Variants in RCL1 observed in about 807,000 individuals in gnomAD.
RCL1 encodes the protein RNA 3'-terminal phosphate cyclase-like protein.
A neutral mutation model predicts 42.4 loss-of-function variants in RCL1; 24 were observed. That is an observed-to-expected ratio of 0.57 (90% CI 0.41 to 0.80). The LOEUF is 0.80. RCL1 is among the 30% of genes least tolerant of loss of function. The probability of loss-of-function intolerance (pLI) is 0.00; values close to 1 mark genes in which losing one functional copy is unlikely to be tolerated. For synonymous variants in RCL1, 228 were observed against 177.3 expected (o/e 1.29, Z -2.27); for missense variants, 578 against 467.9 (o/e 1.24, Z -2.17).
chr9:4,814,928 A>G (rs150233846), intron 1 of RCL1, among the ~76,000 whole-genome samples: 1,668 of 151,732 alleles, frequency 0.011, 28 homozygotes, highest in African/African-American at 0.039. Flanking sequence ...CATTTTGAAT[A>G]TATCATCTTA....
chr9:4,809,422 G>C (rs1169460500), intron 1 of RCL1, among the ~76,000 whole-genome samples: 1 of 151,796 alleles, frequency 6.6e-6, no homozygotes, highest in Non-Finnish European at 1.5e-5. Context: ...CGATTCCCCT[G>C]CCTCAGCCTC....
At chr9:4,807,833 A>T (rs1816035979) in intron 1 of RCL1, among the ~76,000 whole-genome samples, 1 of 152,140 alleles carries the variant, frequency 6.6e-6, no homozygotes, top group Admixed American at 6.5e-5. Context: ...TGGGTCATTT[A>T]TAAGTCTGTT....
At chr9:4,851,965 C>T (rs1490013241) in intron 8 of RCL1, among the ~76,000 whole-genome samples, 1 of 149,414 alleles carries the variant, frequency 6.7e-6, no homozygotes, top group Non-Finnish European at 1.5e-5. Context: ...ACTGCAAGCT[C>T]CGCCTCCCGG....
chr9:4,853,241 C>T (rs1187492800), intron 8 of RCL1, among the ~76,000 whole-genome samples: 5 of 151,868 alleles, frequency 3.3e-5, no homozygotes, highest in Non-Finnish European at 5.9e-5. Context: ...GGTCAAGTTA[C>T]GTGCCCAGGG....
chr9:4,828,586 G>C (rs1816846706), intron 3 of RCL1, among the ~76,000 whole-genome samples: 1 of 148,006 alleles, frequency 6.8e-6, no homozygotes, highest in African/African-American at 2.5e-5. Context: ...TATAGGAAAT[G>C]AGTTCTTTGG....
chr9:4,793,344 G>C (rs10974786), intron 1 of RCL1, 117 bp downstream of exon 1: 3 of 1,223,966 alleles, frequency 2.5e-6, no homozygotes, highest in African/African-American at 3.2e-5. Context: ...GAGCGCGTCG[G>C]GGAGGGCAGG....
At chr9:4,796,945 C>A (rs1454170400) in intron 1 of RCL1, among the ~76,000 whole-genome samples, 3 of 152,122 alleles carry the variant, frequency 2.0e-5, no homozygotes, top group Non-Finnish European at 4.4e-5. Context: ...TTTGAGAAAT[C>A]TCCATATGAA....
At chr9:4,850,488 T>C (rs898250212) in intron 8 of RCL1, 4 of 183,032 alleles carry the variant, frequency 2.2e-5, no homozygotes, top group African/African-American at 1.1e-4. Flanking sequence ...GAGGCTTTTT[T>C]TTTTCTTTTT....
intron 1 of RCL1, among the ~76,000 whole-genome samples, chr9:4,806,668 C>T (rs1303370242): frequency 6.7e-6 from 1 of 149,578 alleles, no homozygotes; most frequent in Non-Finnish European, 1.5e-5. Context: ...ATTTTATTTG[C>T]TAATGTTTTG....
chr9:4,850,545 A>G (rs1387407597), intron 8 of RCL1, among the ~76,000 whole-genome samples: 1 of 141,930 alleles, frequency 7.0e-6, no homozygotes, highest in Non-Finnish European at 1.5e-5. Flanking sequence ...TAGAACAGGA[A>G]AATGGAAGAG....
At chr9:4,860,020 C>T (rs1489348848) in intron 8 of RCL1, 105 bp from the exon 9 acceptor site, 1 of 707,864 alleles carries the variant, frequency 1.4e-6, no homozygotes, top group Non-Finnish European at 2.2e-6. Flanking sequence ...TTAACTTCAG[C>T]CCTCTAGGTC....
At chr9:4,835,318 A>G (rs1817085973) in intron 5 of RCL1, among the ~76,000 whole-genome samples, 1 of 152,218 alleles carries the variant, frequency 6.6e-6, no homozygotes, top group Non-Finnish European at 1.5e-5. Flanking sequence ...TAAACAAAAC[A>G]TAGCTTCCTG....
At position 4,817,110 on chromosome 9, in the gene RCL1, C is replaced by A. The variant is rs920968783; in HGVS notation, c.137-6438C>A. ...GGGATTACAGGCGTGAGCCACTGTT[C>A]CCGGCCAATAATTATTTTTTTCTTT... On this transcript the variant is annotated intron_variant, in intron 1 of 8. Coordinates refer to ENST00000381750, the MANE Select transcript of RCL1 (RefSeq NM_005772.5). Among the ~76,000 whole-genome samples the A allele has an allele frequency of 2.1e-5, 3 of 146,334 alleles. No homozygotes were observed. In the East Asian group the frequency reaches 6.1e-4, roughly 30 times the overall value.
chr9:4,834,471 C>CTTTTTTTTTTT (rs5896097), intron 5 of RCL1, among the ~76,000 whole-genome samples: 2 of 128,432 alleles, frequency 1.6e-5, no homozygotes. Context: ...TTGAGTCATT[C>CTTTTTTTTTTT]TTTTTTTTTT....
In RCL1 at chr9:4,816,336, C is replaced by T. The variant is rs894703677; in HGVS notation, c.137-7212C>T. Reference sequence around the variant, plus strand: ...AAACAATACTTCATAGTTTTAATATCCAATTTATAAATCTTGCCTATCCTT... The same window carrying T: ...AAACAATACTTCATAGTTTTAATATTCAATTTATAAATCTTGCCTATCCTT... On this transcript the variant is annotated intron_variant, in intron 1 of 8. Transcript: ENST00000381750. Among the ~76,000 whole-genome samples, 16 of 152,288 alleles carry T rather than the reference C, an allele frequency of 1.1e-4. No homozygotes were observed. The Middle Eastern group carries it at 0.01, about 97-fold the overall frequency.
chr9:4,796,527 C>G (rs924711519), intron 1 of RCL1, among the ~76,000 whole-genome samples: 7 of 152,138 alleles, frequency 4.6e-5, no homozygotes, highest in Admixed American at 2.6e-4. Flanking sequence ...TCCTGAGTAG[C>G]TGGAACTACA....
At chr9:4,797,004 A>G (rs779335341) in intron 1 of RCL1, among the ~76,000 whole-genome samples, 3 of 152,154 alleles carry the variant, frequency 2.0e-5, no homozygotes, top group Non-Finnish European at 4.4e-5. Context: ...TATTTTACTG[A>G]GGTAAAATCC....
chr9:4,819,390 A>G (rs1453595686), intron 1 of RCL1, among the ~76,000 whole-genome samples: 1 of 152,264 alleles, frequency 6.6e-6, no homozygotes, highest in Non-Finnish European at 1.5e-5. Flanking sequence ...TGAATTAAAC[A>G]GTGTTACTAG....
At chr9:4,798,487 C>G (rs1358388119) in intron 1 of RCL1, among the ~76,000 whole-genome samples, 2 of 152,170 alleles carry the variant, frequency 1.3e-5, no homozygotes, top group African/African-American at 2.4e-5. Flanking sequence ...GGGGAGTGCT[C>G]CATATGGCTT....
Sources: allele counts gnomAD v4.1 joint callset (sites outside exome capture counted in the v4.1 genomes callset), GRCh38; gene constraint gnomAD v4.1.1; transcripts MANE v1.5; gene names NCBI Gene and HGNC (gene_info 2026-07-23, HGNC 2026-07-21).